B3GALT1: variants seen among roughly 807,000 people sequenced by gnomAD.
The protein encoded by B3GALT1 is UDP-Gal:betaGlcNAc beta 1,3-galactosyltransferase, polypeptide 1.
B3GALT1 carries 10 observed loss-of-function variants against 23.2 expected under a neutral mutation model. The observed-to-expected ratio is 0.43, with a 90% CI of 0.27 to 0.73. B3GALT1 has a LOEUF of 0.73. B3GALT1 is among the 30% of genes least tolerant of loss of function. The probability of loss-of-function intolerance (pLI) is 0.21; values close to 1 mark genes in which losing one functional copy is unlikely to be tolerated. For synonymous variants in B3GALT1, 156 were observed against 141.5 expected (o/e 1.10, Z -0.73); for missense variants, 299 against 405.4 (o/e 0.74, Z 2.25).
chr2:167,440,359 A>G (rs1477023804), intron 1 of B3GALT1, among the ~76,000 whole-genome samples: 3 of 151,720 alleles, frequency 2.0e-5, no homozygotes, highest in Non-Finnish European at 4.4e-5. Flanking sequence ...AAAAAAAAAA[A>G]AAAAAGAAAT....
chr2:167,658,173 A>C (rs1018461968), intron 3 of B3GALT1, among the ~76,000 whole-genome samples: 3 of 152,134 alleles, frequency 2.0e-5, no homozygotes, highest in Non-Finnish European at 4.4e-5. Context: ...GGGCTCCTGC[A>C]CTTGTAAGGC....
chr2:167,671,947 T>C (rs1004212706), intron 3 of B3GALT1, among the ~76,000 whole-genome samples: 2 of 152,010 alleles, frequency 1.3e-5, no homozygotes, highest in African/African-American at 4.8e-5. Flanking sequence ...GATATCACAA[T>C]TGATACCACA....
chr2:167,621,751 C>A (rs1176787451), intron 2 of B3GALT1, among the ~76,000 whole-genome samples: 1 of 152,016 alleles, frequency 6.6e-6, no homozygotes, highest in African/African-American at 2.4e-5. Flanking sequence ...CTCACAGGAT[C>A]TGATGGTTTT....
In B3GALT1 at chr2:167,813,907, C is replaced by T. The variant is rs574529230; in HGVS notation, c.-351-4765C>T. ...AGTTTAAAATCAACTTTTAAAATAGCTGGAGTGATTTTAACTGAAATTCTT... is the reference window on the plus strand; with the variant it reads ...AGTTTAAAATCAACTTTTAAAATAGTTGGAGTGATTTTAACTGAAATTCTT... On this transcript the variant is annotated intron_variant, in intron 3 of 4. Transcript: ENST00000392690. 5.9e-5 allele frequency among the ~76,000 whole-genome samples: 9 copies of T among 152,294 alleles called. No homozygotes were observed. In the East Asian group the frequency reaches 1.7e-3, roughly 29 times the overall value.
intron 4 of B3GALT1, among the ~76,000 whole-genome samples, chr2:167,865,406 A>G (rs1203784739): frequency 6.6e-6 from 1 of 152,150 alleles, no homozygotes; most frequent in Non-Finnish European, 1.5e-5. Flanking sequence ...CCATCTCAAA[A>G]AACAAAACAA....
chr2:167,539,017 A>G (rs922832075), intron 2 of B3GALT1, among the ~76,000 whole-genome samples: 1 of 152,208 alleles, frequency 6.6e-6, no homozygotes, highest in Non-Finnish European at 1.5e-5. Flanking sequence ...GAAACATCCG[A>G]TTATACTTAG....
chr2:167,650,068 T>C (rs1685834647), intron 3 of B3GALT1, among the ~76,000 whole-genome samples: 1 of 151,968 alleles, frequency 6.6e-6, no homozygotes, highest in Non-Finnish European at 1.5e-5. Flanking sequence ...AAATGCACTT[T>C]ATGTGCTTGA....
At chr2:167,610,132 T>C (rs1366939200) in intron 2 of B3GALT1, among the ~76,000 whole-genome samples, 2 of 152,268 alleles carry the variant, frequency 1.3e-5, no homozygotes, top group African/African-American at 4.8e-5. Context: ...TAGCGAATGT[T>C]AACTCATGAT....
intron 1 of B3GALT1, among the ~76,000 whole-genome samples, chr2:167,380,269 CAG>C (rs1697829272): frequency 6.6e-6 from 1 of 152,094 alleles, no homozygotes; most frequent in African/African-American, 2.4e-5. Context: ...GCAGGTGGAG[CAG>C]AGAGGGCCTC....
At chr2:167,678,067 A>G (rs1446127765) in intron 3 of B3GALT1, among the ~76,000 whole-genome samples, 1 of 152,144 alleles carries the variant, frequency 6.6e-6, no homozygotes, top group East Asian at 1.9e-4. Flanking sequence ...TTGGATGGGG[A>G]CACAGTCAAA....
intron 2 of B3GALT1, among the ~76,000 whole-genome samples, chr2:167,571,799 A>G (rs904453266): frequency 6.6e-6 from 1 of 151,922 alleles, no homozygotes; most frequent in African/African-American, 2.4e-5. Context: ...AGTTAGCCAA[A>G]ACATGCAACT....
intron 3 of B3GALT1, among the ~76,000 whole-genome samples, chr2:167,682,391 C>G (rs990336396): frequency 1.3e-5 from 2 of 152,154 alleles, no homozygotes; most frequent in African/African-American, 4.8e-5. Context: ...TTTCTGCTGC[C>G]ATGTTATCAC....
intron 3 of B3GALT1, among the ~76,000 whole-genome samples, chr2:167,765,287 C>T (rs960883801): frequency 3.4e-4 from 51 of 152,112 alleles, no homozygotes; most frequent in Admixed American, 9.8e-4. Flanking sequence ...TGCTTCCATA[C>T]GTGTATACAA....
At chr2:167,806,204 C>T (rs1688749015) in intron 3 of B3GALT1, among the ~76,000 whole-genome samples, 1 of 152,162 alleles carries the variant, frequency 6.6e-6, no homozygotes, top group African/African-American at 2.4e-5. Context: ...GCTGAAGTTG[C>T]CCATCAGCTT....
intron 2 of B3GALT1, among the ~76,000 whole-genome samples, chr2:167,555,547 GT>G (rs1683830464): frequency 6.6e-6 from 1 of 152,080 alleles, no homozygotes; most frequent in African/African-American, 2.4e-5. Context: ...TTTATACACT[GT>G]TATAAAAGCT....
intron 2 of B3GALT1, among the ~76,000 whole-genome samples, chr2:167,595,688 T>C (rs1684762920): frequency 6.6e-6 from 1 of 152,202 alleles, no homozygotes; most frequent in African/African-American, 2.4e-5. Flanking sequence ...AGAAATATAA[T>C]GTTTAATATT....
intron 2 of B3GALT1, among the ~76,000 whole-genome samples, chr2:167,499,932 T>A (rs4667955): frequency 6.6e-6 from 1 of 152,046 alleles, no homozygotes; most frequent in East Asian, 1.9e-4. Context: ...TTTCTACTAC[T>A]AGAAGTTTAA....
intron 3 of B3GALT1, among the ~76,000 whole-genome samples, chr2:167,730,166 G>A (rs555782326): frequency 2.0e-5 from 3 of 152,252 alleles, no homozygotes; most frequent in Non-Finnish European, 2.9e-5. Flanking sequence ...TATATCCGCC[G>A]GGGCGCTCAT....
intron 3 of B3GALT1, among the ~76,000 whole-genome samples, chr2:167,767,916 G>A (rs992253892): frequency 6.6e-6 from 1 of 152,160 alleles, no homozygotes; most frequent in Non-Finnish European, 1.5e-5. Context: ...AGCCTGTGGT[G>A]TAGTTCAGAG....
Sources: allele counts gnomAD v4.1 joint callset (sites outside exome capture counted in the v4.1 genomes callset), GRCh38; gene constraint gnomAD v4.1.1; transcripts MANE v1.5; gene names NCBI Gene and HGNC (gene_info 2026-07-23, HGNC 2026-07-21).